Variants in PLA2G12A observed in about 807,000 individuals in gnomAD.
PLA2G12A encodes phospholipase A2 group XIIA, also known as group XIIA secretory phospholipase A2.
A neutral mutation model predicts 16.0 loss-of-function variants in PLA2G12A; 11 were observed. That is an observed-to-expected ratio of 0.69 (90% CI 0.43 to 1.13). The LOEUF is 1.13. Ranked by LOEUF, PLA2G12A falls within the 50% of genes most tolerant of loss-of-function variation. PLA2G12A has a pLI of 0.00. For missense variants in PLA2G12A, 214 were observed against 237.3 expected (o/e 0.90, Z 0.65); for synonymous variants, 77 against 93.8 (o/e 0.82, Z 1.03).
rs114099527 is a variant in PLA2G12A at position 109,715,503 on chromosome 4, C to A, written c.452-1008G>T. Among the ~76,000 whole-genome samples, 779 of 151,746 alleles carry A rather than the reference C, an allele frequency of 5.1e-3. 11 individuals are homozygous for A. Among genetic ancestry groups the A allele is most frequent in the African/African-American group, 0.017 (721 of 41,358 alleles). On this transcript the variant is annotated intron_variant, in intron 3 of 3. Coordinates refer to ENST00000243501, the MANE Select transcript of PLA2G12A (RefSeq NM_030821.5). Reference sequence around the variant, plus strand: ...ATTTATTTTATTTATTTTTTTGAGACAAGGTCTCACCTCACTCTGTCACCC... The same window carrying A: ...ATTTATTTTATTTATTTTTTTGAGAAAAGGTCTCACCTCACTCTGTCACCC...
At chr4:109,724,051 G>C (rs974899491) in intron 1 of PLA2G12A, among the ~76,000 whole-genome samples, 10 of 152,232 alleles carry the variant, frequency 6.6e-5, no homozygotes, top group Admixed American at 6.5e-4. Context: ...TCCATGAGAA[G>C]CAAAGATTAC....
rs748817840 is a variant in PLA2G12A at position 109,718,716 on chromosome 4, C to T, written c.252G>A (p.Pro84=). The stretch of plus-strand genomic sequence containing the variant: ...CAAACAGTGGAGAGCCACATCCATT[C>T]GGTGGGGAGGGTTTATAACCATAAC... ...FPRYGYKPSP[P]NGCGSPLFGV... is the part of the protein sequence containing the mutation. The change falls in exon 2 of 4, where the codon CCG becomes CCA. Residue 84 remains proline (P), a synonymous_variant. Coordinates refer to ENST00000243501, the MANE Select transcript of PLA2G12A (RefSeq NM_030821.5). 1.0e-5 allele frequency: 16 copies of T among 1,602,272 alleles called. No homozygotes were observed. Among genetic ancestry groups the T allele is most frequent in the African/African-American group, 4.0e-5 (3 of 74,462 alleles).
intron 1 of PLA2G12A, among the ~76,000 whole-genome samples, chr4:109,721,712 C>G (rs928308002): frequency 1.2e-4 from 18 of 152,208 alleles, no homozygotes; most frequent in African/African-American, 4.3e-4. Flanking sequence ...CAAACTTAAG[C>G]TGTCCCTCCT....
intron 3 of PLA2G12A, among the ~76,000 whole-genome samples, chr4:109,714,853 G>T (rs1730798967): frequency 6.6e-6 from 1 of 150,704 alleles, no homozygotes; most frequent in African/African-American, 2.4e-5. Flanking sequence ...TTCCACCTCA[G>T]CCTCCTGAGT....
Position 109,726,175 on chromosome 4 carries a change from T to G in PLA2G12A, c.208+3427A>C, listed in dbSNP as rs76484040. Among the ~76,000 whole-genome samples, 339 of 150,738 alleles carry G rather than the reference T, an allele frequency of 2.2e-3. 1 individual carries two copies. The highest frequency in any genetic ancestry group is 8.1e-3 in the African/African-American group (329 of 40,792). ...AACTCTCTAAGTATGTACTAGAAACTACCCCCTCTCACTTACCCAAGGCTA... is the reference window on the plus strand; with the variant it reads ...AACTCTCTAAGTATGTACTAGAAACGACCCCCTCTCACTTACCCAAGGCTA... On this transcript the variant is annotated intron_variant, in intron 1 of 3. Coordinates refer to ENST00000243501, the MANE Select transcript of PLA2G12A (RefSeq NM_030821.5).
Position 109,714,228 on chromosome 4 carries a change from TGAGG to T in PLA2G12A, c.*145_*148del. ...ACTATCTCCCTCACTTTTTTTGCTT[TGAGG>T]TTTTAACATCAAGATATAAATTATT... On this transcript the variant is annotated 3_prime_UTR_variant, in exon 4 of 4. Transcript: ENST00000243501. 18 of 688,418 alleles carry T rather than the reference TGAGG, an allele frequency of 2.6e-5. No homozygotes were observed. Among genetic ancestry groups the T allele is most frequent in the South Asian group, 1.2e-4 (7 of 56,090 alleles). The allele number at this position is 688,418 out of a possible 1,614,324, so 42.6% of individuals were successfully genotyped here. A position where few individuals can be genotyped will look rare whatever the true frequency, so the allele number is the denominator to read the frequency against.
chr4:109,723,128 CT>C (rs1473000167), intron 1 of PLA2G12A, among the ~76,000 whole-genome samples: 1 of 151,820 alleles, frequency 6.6e-6, no homozygotes, highest in Admixed American at 6.6e-5. Context: ...GCTTTTTAAC[CT>C]TTTGTGCTGG....
chr4:109,725,519 A>T (rs1216022949), intron 1 of PLA2G12A, among the ~76,000 whole-genome samples: 1 of 152,246 alleles, frequency 6.6e-6, no homozygotes, highest in African/African-American at 2.4e-5. Context: ...TAACATCAAA[A>T]CACCATGATG....
chr4:109,720,585 AAAAAAAAAAAAAAAAAAAAATATATATAT>A (rs1163581932), intron 1 of PLA2G12A, among the ~76,000 whole-genome samples: 7 of 51,674 alleles, frequency 1.4e-4, no homozygotes, highest in African/African-American at 5.9e-4. Flanking sequence ...AAAAAAAAAA[AAAAAAAAAAAAAAAAAAAAATATATATAT>A]ATATATATAT....
chr4:109,711,049 TTGCC>T lies in PLA2G12A; in HGVS notation c.*3324_*3327del, dbSNP rs1730715950. On this transcript the variant is annotated 3_prime_UTR_variant, in exon 4 of 4. Coordinates refer to ENST00000243501, the MANE Select transcript of PLA2G12A (RefSeq NM_030821.5). ...GCAAAGAGCTGCTGACAGTTAGTTCTTGCCTTTTTTTTTTTTTTTTTTTTTTTGC... is the reference window on the plus strand; with the variant it reads ...GCAAAGAGCTGCTGACAGTTAGTTCTTTTTTTTTTTTTTTTTTTTTTTTGC... The T allele has an allele frequency of 6.9e-6, 1 of 145,288 alleles. No homozygotes were observed. The highest frequency in any genetic ancestry group is 2.2e-4 in the South Asian group (1 of 4,544). 9.0% of individuals were successfully genotyped at this position (145,288 alleles called of 1,614,324 possible).
chr4:109,719,365 A>ATTTTTCT (rs1730879458), intron 1 of PLA2G12A, among the ~76,000 whole-genome samples: 1 of 152,112 alleles, frequency 6.6e-6, no homozygotes, highest in South Asian at 2.1e-4. Flanking sequence ...CCATTCCACA[A>ATTTTTCT]ATATACTTCT....
intron 1 of PLA2G12A, among the ~76,000 whole-genome samples, chr4:109,724,559 G>A (rs896355136): frequency 6.6e-6 from 1 of 152,110 alleles, no homozygotes; most frequent in African/African-American, 2.4e-5. Flanking sequence ...TGCTGATGAT[G>A]TGTGTAATGA....
Position 109,710,751 on chromosome 4 carries a change from C to A in PLA2G12A, c.*3626G>T, listed in dbSNP as rs1256205258. 6.6e-6 allele frequency: 1 copy of A among 152,242 alleles called. No homozygotes were observed. The highest frequency in any genetic ancestry group is 1.5e-5 in the Non-Finnish European group (1 of 68,048). 9.4% of individuals were successfully genotyped at this position (152,242 alleles called of 1,614,324 possible). Reference sequence around the variant, plus strand: ...ACAGTGCTGAGATTACAGGCTTGAACCACCATGCCCAGCCTCTAACAACTA... The same window carrying A: ...ACAGTGCTGAGATTACAGGCTTGAAACACCATGCCCAGCCTCTAACAACTA... On this transcript the variant is annotated 3_prime_UTR_variant, in exon 4 of 4. Coordinates refer to ENST00000243501, the MANE Select transcript of PLA2G12A (RefSeq NM_030821.5).
In PLA2G12A at chr4:109,710,470, T is replaced by G. The variant is rs1730703262; in HGVS notation, c.*3907A>C. ...AGAGTTGGTTTTAGGCTAACAATTT[T>G]TTTTCTTCTTTCCAAGACAGAGTCT... On this transcript the variant is annotated 3_prime_UTR_variant, in exon 4 of 4. Transcript: ENST00000243501. 6.6e-6 allele frequency: 1 copy of G among 152,216 alleles called. No individual in the cohort carries two copies. Among genetic ancestry groups the G allele is most frequent in the Non-Finnish European group, 1.5e-5 (1 of 68,042 alleles). 9.4% of individuals were successfully genotyped at this position (152,216 alleles called of 1,614,324 possible).
chr4:109,714,344 A>G lies in PLA2G12A; in HGVS notation c.*33T>C, dbSNP rs1460341374. 1 of 1,336,894 alleles carries G rather than the reference A, an allele frequency of 7.5e-7. No individual in the cohort carries two copies. Among genetic ancestry groups the G allele is most frequent in the African/African-American group, 1.4e-5 (1 of 69,354 alleles). The allele number at this position is 1,336,894 out of a possible 1,614,324, so 82.8% of individuals were successfully genotyped here. On this transcript the variant is annotated 3_prime_UTR_variant, in exon 4 of 4. Transcript: ENST00000243501. Reference sequence around the variant, plus strand: ...TTATTTGTCAAAGGTATGTTCTTCCATCTTCATCTGTCACTAGCTGTCGGC... The same window carrying G: ...TTATTTGTCAAAGGTATGTTCTTCCGTCTTCATCTGTCACTAGCTGTCGGC...
At chr4:109,714,957 T>TTTTG (rs3086325) in intron 3 of PLA2G12A, among the ~76,000 whole-genome samples, 50,239 of 150,700 alleles carry the variant, frequency 0.33, 9,367 homozygotes, top group Non-Finnish European at 0.43. Context: ...ACCCAGCTAT[T>TTTTG]TTTGTTTGTT....
At chr4:109,714,962 T>TTTGG (rs986436905) in intron 3 of PLA2G12A, among the ~76,000 whole-genome samples, 2 of 126,334 alleles carry the variant, frequency 1.6e-5, no homozygotes, top group South Asian at 2.4e-4. Context: ...GCTATTTTTG[T>TTTGG]TTGTTTGTTT....
chr4:109,726,231 T>C (rs1312980499), intron 1 of PLA2G12A, among the ~76,000 whole-genome samples: 4 of 152,218 alleles, frequency 2.6e-5, no homozygotes. Flanking sequence ...CTCGTCAGTA[T>C]TTCTACTCTC....
chr4:109,728,863 A>G (rs1475104705), intron 1 of PLA2G12A, among the ~76,000 whole-genome samples: 1 of 152,230 alleles, frequency 6.6e-6, no homozygotes. Flanking sequence ...TGACCTATTA[A>G]AATATTTAAG....
Sources: allele counts gnomAD v4.1 joint callset (sites outside exome capture counted in the v4.1 genomes callset), GRCh38; gene constraint gnomAD v4.1.1; transcripts MANE v1.5; gene names NCBI Gene and HGNC (gene_info 2026-07-23, HGNC 2026-07-21).